The following CCDC13 variants were observed in gnomAD, a reference collection of about 807,000 sequenced individuals.
The protein encoded by CCDC13 is coiled-coil domain-containing protein 13.
Under a neutral mutation model 87.3 loss-of-function variants are expected in CCDC13, and 70 were observed. The observed-to-expected ratio is 0.80, with a 90% CI of 0.66 to 0.98. The LOEUF (loss-of-function observed/expected upper bound fraction) is 0.98. Among genes scored for constraint, CCDC13 ranks in the 50% least tolerant of loss-of-function variants. The pLI, the probability that CCDC13 is intolerant of heterozygous loss-of-function variation, is 0.00. For synonymous variants in CCDC13, 317 were observed against 360.3 expected (o/e 0.88, Z 1.36); for missense variants, 842 against 892.0 (o/e 0.94, Z 0.71).
At chr3:42,771,494 C>T (rs760890753) in intron 1 of CCDC13, among the ~76,000 whole-genome samples, 4 of 152,194 alleles carry the variant, frequency 2.6e-5, no homozygotes, top group Admixed American at 2.6e-4. Context: ...ATGACTCACA[C>T]CTGTAATCTC....
intron 13 of CCDC13, among the ~76,000 whole-genome samples, chr3:42,728,109 A>T (rs1698733380): frequency 1.3e-5 from 2 of 152,230 alleles, no homozygotes; most frequent in Admixed American, 6.5e-5. Context: ...AAATTGATAA[A>T]ATGTAAGAAA....
intron 13 of CCDC13, among the ~76,000 whole-genome samples, chr3:42,722,324 T>C (rs1698582895): frequency 6.6e-6 from 1 of 152,206 alleles, no homozygotes; most frequent in Non-Finnish European, 1.5e-5. Context: ...GATTAATGGT[T>C]CTCCTATAAA....
At chr3:42,759,429 C>A (rs1699783706) in intron 1 of CCDC13, among the ~76,000 whole-genome samples, 1 of 152,182 alleles carries the variant, frequency 6.6e-6, no homozygotes, top group South Asian at 2.1e-4. Context: ...CTCCTTTGTG[C>A]CCTTTTGCAG....
In CCDC13 at chr3:42,707,000, C is replaced by A. The variant is rs1698194991; in HGVS notation, c.*1980G>T. Among the ~76,000 whole-genome samples, 1 of 152,194 alleles carries A rather than the reference C, an allele frequency of 6.6e-6. No homozygotes were observed. Among genetic ancestry groups the A allele is most frequent in the Non-Finnish European group, 1.5e-5 (1 of 68,028 alleles). On this transcript the variant is annotated 3_prime_UTR_variant, in exon 16 of 16. Transcript: ENST00000310232. ...ATGCTCCTTCCTTTCTCAGGCATAG[C>A]CCAGGAAGGGCAGCAGAACCACCCT...
chr3:42,726,730 AATAT>A, intron 13 of CCDC13, among the ~76,000 whole-genome samples: 1 of 151,220 alleles, frequency 6.6e-6, no homozygotes, highest in Non-Finnish European at 1.5e-5. Context: ...GTATATATAA[AATAT>A]ATATTTACAT....
chr3:42,713,304 G>C lies in CCDC13; in HGVS notation c.1731C>G (p.Ser577Arg). ...VTVLQKRVEESNSKLLESERK... is the reference protein window; with the variant it reads ...VTVLQKRVEERNSKLLESERK... Reference sequence around the variant, plus strand: ...TCTCTGACTCCAGGAGCTTGCTGTTGCTCTCCTCCACCCTGGTGATTAGAG... The same window carrying C: ...TCTCTGACTCCAGGAGCTTGCTGTTCCTCTCCTCCACCCTGGTGATTAGAG... Residue 577 changes from serine to arginine, a missense_variant, in exon 14 of 16, where the codon AGC becomes AGG. Ser to Arg is a moderately radical substitution (Grantham distance 110). Coordinates refer to ENST00000310232, the MANE Select transcript of CCDC13 (RefSeq NM_144719.4). 6.2e-7 allele frequency: 1 copy of C among 1,613,980 alleles called. No homozygotes were observed. Among genetic ancestry groups the C allele is most frequent in the Non-Finnish European group, 8.5e-7 (1 of 1,179,958 alleles).
chr3:42,765,378 T>C (rs1301275848), intron 1 of CCDC13, among the ~76,000 whole-genome samples: 1 of 152,168 alleles, frequency 6.6e-6, no homozygotes, highest in Admixed American at 6.5e-5. Context: ...TGAAATTAAT[T>C]ATCTGGGCTG....
chr3:42,771,967 T>C (rs1348880087), intron 1 of CCDC13, among the ~76,000 whole-genome samples: 3 of 152,104 alleles, frequency 2.0e-5, no homozygotes, highest in African/African-American at 7.2e-5. Flanking sequence ...TTTAAGTCTA[T>C]TTTCTTTTAA....
At chr3:42,720,340 A>G (rs1478585294) in intron 13 of CCDC13, among the ~76,000 whole-genome samples, 3 of 152,052 alleles carry the variant, frequency 2.0e-5, no homozygotes, top group Non-Finnish European at 4.4e-5. Context: ...TGCCATTATG[A>G]CTCTTAACTG....
chr3:42,771,767 GCAA>G (rs34428037), intron 1 of CCDC13, among the ~76,000 whole-genome samples: 26,608 of 151,732 alleles, frequency 0.18, 2,480 homozygotes, highest in South Asian at 0.26. Flanking sequence ...TACAGCAGCA[GCAA>G]CAACAACAAC....
At chr3:42,769,299 A>G (rs1336445825) in intron 1 of CCDC13, among the ~76,000 whole-genome samples, 1 of 152,246 alleles carries the variant, frequency 6.6e-6, no homozygotes. Flanking sequence ...CATACCTATT[A>G]GAATGGCTAG....
At chr3:42,760,399 C>T (rs1007786959) in intron 1 of CCDC13, among the ~76,000 whole-genome samples, 3 of 152,058 alleles carry the variant, frequency 2.0e-5, no homozygotes, top group South Asian at 2.1e-4. Context: ...GGTGGATCAC[C>T]GGAGTTCAGA....
intron 1 of CCDC13, among the ~76,000 whole-genome samples, chr3:42,771,620 TG>T (rs2125918578): frequency 6.6e-6 from 1 of 152,254 alleles, no homozygotes; most frequent in East Asian, 1.9e-4. Context: ...CTGGGCATGG[TG>T]GCATGTGCCT....
At position 42,730,606 on chromosome 3, in the gene CCDC13, G is replaced by A; in HGVS notation, c.1596-17C>T. On this transcript the variant is annotated splice_polypyrimidine_tract_variant and intron_variant, in intron 12 of 15. Transcript: ENST00000310232. ...TCCGAGAACCTGGGACCAGGGTGGAGGGCAGAGGGCAGAGGTCATCCGAGG... is the reference window on the plus strand; with the variant it reads ...TCCGAGAACCTGGGACCAGGGTGGAAGGCAGAGGGCAGAGGTCATCCGAGG... 3.1e-6 allele frequency: 5 copies of A among 1,610,942 alleles called. No homozygotes were observed. In the South Asian group the frequency reaches 3.3e-5, roughly 11 times the overall value.
rs921426222 is a variant in CCDC13 at position 42,726,513 on chromosome 3, T to C, written c.1718+3954A>G. Among the ~76,000 whole-genome samples, 2 of 152,102 alleles carry C rather than the reference T, an allele frequency of 1.3e-5. 1 individual carries two copies. Among genetic ancestry groups the C allele is most frequent in the Admixed American group, 1.3e-4 (2 of 15,274 alleles). On this transcript the variant is annotated intron_variant, in intron 13 of 15. Transcript: ENST00000310232. ...TGGAGGAAAGAATAAGTCTAACATA[T>C]ATGGACTAGGAATTTTAGATTAAAA...
rs12635764 is a variant in CCDC13 at position 42,771,391 on chromosome 3, T to A, written c.-7+1785A>T. On this transcript the variant is annotated intron_variant, in intron 1 of 15. Coordinates refer to ENST00000310232, the MANE Select transcript of CCDC13 (RefSeq NM_144719.4). ...GGGGTTTTTGGGGAGGTGAAACTGT[T>A]CTGTATACTTTACTGGTGGATACAC... is the stretch of plus-strand genomic sequence containing the variant. Among the ~76,000 whole-genome samples the A allele has an allele frequency of 0.012, 1,758 of 152,104 alleles. 111 individuals carry two copies. In the East Asian group the frequency reaches 0.18, roughly 16 times the overall value.
At chr3:42,712,194 G>A (rs1042995524) in intron 14 of CCDC13, among the ~76,000 whole-genome samples, 12 of 152,098 alleles carry the variant, frequency 7.9e-5, no homozygotes, top group African/African-American at 2.9e-4. Context: ...TCCTTGGCTG[G>A]GGAGGGGTTG....
intron 13 of CCDC13, among the ~76,000 whole-genome samples, chr3:42,730,022 C>T (rs946604299): frequency 1.3e-5 from 2 of 152,178 alleles, no homozygotes; most frequent in African/African-American, 4.8e-5. Flanking sequence ...CCTCAGGCCT[C>T]GTGCTTCCCT....
chr3:42,752,107 T>C (rs1004504088), intron 4 of CCDC13, 82 bp from the exon 5 acceptor site: 10 of 1,213,848 alleles, frequency 8.2e-6, no homozygotes, highest in African/African-American at 7.4e-5. Context: ...ATTGTGTGTG[T>C]GGTTACCTAT....
Sources: allele counts gnomAD v4.1 joint callset (sites outside exome capture counted in the v4.1 genomes callset), GRCh38; gene constraint gnomAD v4.1.1; transcripts MANE v1.5; gene names NCBI Gene and HGNC (gene_info 2026-07-23, HGNC 2026-07-21).